The following NAV2 variants were observed in gnomAD, a reference collection of about 807,000 sequenced individuals.
NAV2 encodes the protein neuron navigator 2, also known as helicase, APC down-regulated 1.
NAV2 carries 54 observed loss-of-function variants against 223.2 expected under a neutral mutation model. The observed-to-expected ratio is 0.24, with a 90% CI of 0.19 to 0.30. The LOEUF (loss-of-function observed/expected upper bound fraction) is 0.30, where lower values mean the gene tolerates loss of function less well. NAV2 is among the 10% of genes least tolerant of loss of function. NAV2 has a pLI of 1.00. For missense variants in NAV2, 2,806 were observed against 3,147.5 expected, an observed-to-expected ratio of 0.89 and a Z score of 2.60; for synonymous variants, 1,279 against 1,239.3, an observed-to-expected ratio of 1.03 and a Z score of -0.67.
At chr11:19,465,019 C>T (rs541662025) in intron 1 of NAV2, among the ~76,000 whole-genome samples, 2 of 152,242 alleles carry the variant, frequency 1.3e-5, no homozygotes, top group East Asian at 1.9e-4. Flanking sequence ...TGTGAGCTAG[C>T]CTGGAATAGC....
At chr11:20,032,141 G>A (rs1389459779) in intron 11 of NAV2, among the ~76,000 whole-genome samples, 2 of 152,208 alleles carry the variant, frequency 1.3e-5, no homozygotes, top group Admixed American at 1.3e-4. Flanking sequence ...AGCTGCAGGG[G>A]CAGCTTTGGT....
At chr11:19,381,824 A>T (rs532033619) in intron 1 of NAV2, among the ~76,000 whole-genome samples, 10 of 152,298 alleles carry the variant, frequency 6.6e-5, no homozygotes, top group African/African-American at 2.4e-4. Flanking sequence ...AGAAAGAGAG[A>T]TGGGAGATAC....
chr11:19,461,679 T>C lies in NAV2; in HGVS notation c.75+110652T>C, dbSNP rs114560735. Among the ~76,000 whole-genome samples, 1,366 of 152,286 alleles carry C rather than the reference T, an allele frequency of 9.0e-3. 22 individuals are homozygous for C. Among genetic ancestry groups the C allele is most frequent in the African/African-American group, 0.032 (1,314 of 41,554 alleles). On this transcript the variant is annotated intron_variant, in intron 1 of 37. Transcript: ENST00000360655. ...TAGCTTGAAATCCATTAGTGAGTCA[T>C]GAAATCAACTTAATGGGTCAAAACT...
rs1323652653 is a variant in NAV2, at chr11:19,655,676, G to C, written c.76-176808G>C. On this transcript the variant is annotated intron_variant, in intron 1 of 37. Transcript: ENST00000360655. ...AAACACTGCATTGTTCTCACTCATA[G>C]GTGGGAATTGAACAATGAGAACACA... Among the ~76,000 whole-genome samples the C allele has an allele frequency of 5.4e-5, 8 of 148,362 alleles. No homozygotes were observed. In the Admixed American group the frequency reaches 5.5e-4, roughly 10 times the overall value.
At chr11:19,473,588 G>A (rs2042029460) in intron 1 of NAV2, among the ~76,000 whole-genome samples, 1 of 152,004 alleles carries the variant, frequency 6.6e-6, no homozygotes, top group African/African-American at 2.4e-5. Flanking sequence ...TCACCTTTCT[G>A]CCCATGTTCT....
rs2046204167 is a variant in NAV2 at position 19,939,349 on chromosome 11, A to C, written c.2034-312A>C. 2.0e-5 allele frequency among the ~76,000 whole-genome samples: 3 copies of C among 152,078 alleles called. No homozygotes were observed. In the South Asian group the frequency reaches 6.2e-4, roughly 32 times the overall value. ...GGTTAAATTATTCAAATCACCCCGT[A>C]CCCTCCAGCATGTGTCTGGCTAGAC... On this transcript the variant is annotated intron_variant, in intron 7 of 37. Coordinates refer to ENST00000349880, the MANE Select transcript of NAV2 (RefSeq NM_145117.5).
intron 1 of NAV2, among the ~76,000 whole-genome samples, chr11:19,462,603 C>A (rs1007182353): frequency 6.6e-6 from 1 of 152,150 alleles, no homozygotes; most frequent in Non-Finnish European, 1.5e-5. Context: ...TATAAACTGC[C>A]TGAGATAGAA....
At chr11:19,775,300 C>T (rs1254718191) in intron 1 of NAV2, among the ~76,000 whole-genome samples, 1 of 152,190 alleles carries the variant, frequency 6.6e-6, no homozygotes, top group South Asian at 2.1e-4. Context: ...ATTGCTGCCT[C>T]TGTTTCATTC....
intron 22 of NAV2, among the ~76,000 whole-genome samples, chr11:20,075,458 G>T (rs1247029708): frequency 6.6e-6 from 1 of 152,004 alleles, no homozygotes; most frequent in Non-Finnish European, 1.5e-5. Context: ...AGCCAGGATA[G>T]TCTCGATCTC....
intron 1 of NAV2, among the ~76,000 whole-genome samples, chr11:19,493,447 CCT>C (rs1449358795): frequency 1.3e-5 from 2 of 152,108 alleles, no homozygotes; most frequent in African/African-American, 4.8e-5. Context: ...CTTCTTAAAG[CCT>C]CTCTGTAATG....
chr11:20,041,295 ATG>A (rs2056899131), intron 12 of NAV2, among the ~76,000 whole-genome samples: 1 of 152,162 alleles, frequency 6.6e-6, no homozygotes, highest in Admixed American at 6.5e-5. Context: ...CTTCCTCACT[ATG>A]TGATCTTGGG....
intron 6 of NAV2, among the ~76,000 whole-genome samples, chr11:19,897,885 T>TAGA (rs1565517757): frequency 1.5e-5 from 2 of 134,770 alleles, no homozygotes; most frequent in African/African-American, 5.8e-5. Flanking sequence ...TGACCTGTGA[T>TAGA]TTATATATAT....
chr11:19,773,646 G>A (rs909056492), intron 1 of NAV2, among the ~76,000 whole-genome samples: 1 of 152,162 alleles, frequency 6.6e-6, no homozygotes, highest in Non-Finnish European at 1.5e-5. Flanking sequence ...GTGGTAGGAG[G>A]GGTTTGGTGG....
At chr11:20,117,999 T>C (rs2063270225) in intron 37 of NAV2, 134 bp from the exon 38 acceptor site, 2 of 967,130 alleles carry the variant, frequency 2.1e-6, no homozygotes, top group Admixed American at 4.8e-5. Context: ...CCAAAGTCCA[T>C]GTTCTTGTCC....
intron 1 of NAV2, among the ~76,000 whole-genome samples, chr11:19,702,829 C>T (rs1263248016): frequency 1.4e-5 from 2 of 145,306 alleles, no homozygotes; most frequent in African/African-American, 5.0e-5. Context: ...AATAATAAGT[C>T]CCTTGAATAA....
Position 19,779,429 on chromosome 11 carries a change from TG to T in NAV2, c.268-53054del, listed in dbSNP as rs541430511. Among the ~76,000 whole-genome samples the T allele has an allele frequency of 5.8e-4, 89 of 152,384 alleles. 2 individuals are homozygous for T. In the East Asian group the frequency reaches 7.7e-3, roughly 13 times the overall value. On this transcript the variant is annotated intron_variant, in intron 1 of 37. Transcript: ENST00000349880. ...TAGAAACCACTGATACATCATTAGC[TG>T]AAGTATCATTAGTTTGCATTTTGTT... is the stretch of plus-strand genomic sequence containing the variant.
At chr11:19,883,054 A>G (rs1042854969) in intron 5 of NAV2, among the ~76,000 whole-genome samples, 1 of 152,164 alleles carries the variant, frequency 6.6e-6, no homozygotes, top group Non-Finnish European at 1.5e-5. Context: ...CCAAAATTCC[A>G]AGGGCAGTGG....
At chr11:19,868,733 T>C (rs1236536410) in intron 3 of NAV2, among the ~76,000 whole-genome samples, 192 bp from the exon 4 acceptor site, 2 of 152,178 alleles carry the variant, frequency 1.3e-5, no homozygotes, top group Non-Finnish European at 1.5e-5. Flanking sequence ...AGACCTCAAC[T>C]TTTGGCACTA....
chr11:20,027,352 A>G, intron 11 of NAV2: 1 of 985,450 alleles, frequency 1.0e-6, no homozygotes. Flanking sequence ...CCAGAAAACG[A>G]GTTCCACCAG....
Sources: gnomAD v4.1 joint callset for allele counts (sites outside exome capture counted in the v4.1 genomes callset) on GRCh38, gnomAD v4.1.1 for gene constraint, MANE v1.5 for transcripts, NCBI Gene and HGNC (gene_info 2026-07-23, HGNC 2026-07-21) for gene names.